Variants in ITPR2 observed in about 807,000 individuals in gnomAD.
ITPR2 encodes inositol 1,4,5-trisphosphate receptor type 2.
A neutral mutation model predicts 317.1 loss-of-function variants in ITPR2; 207 were observed. The ratio of observed to expected loss-of-function variants is 0.65; its 90% CI spans 0.58 to 0.73. The LOEUF is 0.73. Among genes scored for constraint, ITPR2 ranks in the 30% least tolerant of loss-of-function variants. ITPR2 has a pLI of 0.00. For synonymous variants in ITPR2, 1,156 were observed against 1,149.1 expected, an observed-to-expected ratio of 1.01 and a Z score of -0.12; for missense variants, 2,613 against 3,284.0, an observed-to-expected ratio of 0.80 and a Z score of 4.99.
chr12:26,482,743 T>G (rs1942572886), intron 42 of ITPR2, among the ~76,000 whole-genome samples: 1 of 152,218 alleles, frequency 6.6e-6, no homozygotes, highest in African/African-American at 2.4e-5. Flanking sequence ...CACCTATGCA[T>G]GTACACATGT....
At position 26,716,216 on chromosome 12, in the gene ITPR2, CA is replaced by C; in HGVS notation, c.551del (p.Leu184Ter). On this transcript the variant is annotated frameshift_variant, in exon 6 of 57. Coordinates refer to ENST00000381340, the MANE Select transcript of ITPR2 (RefSeq NM_002223.4). LOFTEE classifies it high-confidence loss of function. ...DNIVVGDKVV[L>X]MPVNAGQPLH... Reference sequence around the variant, plus strand: ...GTGGCTGCCCTGCATTCACAGGCATCAAAACAACTTTATCTCCTACAACAAT... The same window carrying C: ...GTGGCTGCCCTGCATTCACAGGCATCAAACAACTTTATCTCCTACAACAAT... 6.2e-7 allele frequency: 1 copy of C among 1,612,752 alleles called. No individual in the cohort carries two copies. Among genetic ancestry groups the C allele is most frequent in the Non-Finnish European group, 8.5e-7 (1 of 1,179,082 alleles).
chr12:26,358,537 C>A (rs1938713753), intron 55 of ITPR2, among the ~76,000 whole-genome samples: 1 of 152,072 alleles, frequency 6.6e-6, no homozygotes, highest in East Asian at 1.9e-4. Flanking sequence ...GAAGAGCTGG[C>A]AACAATTTGA....
intron 55 of ITPR2, among the ~76,000 whole-genome samples, chr12:26,341,982 G>A (rs979644841): frequency 1.3e-5 from 2 of 152,228 alleles, no homozygotes; most frequent in Non-Finnish European, 2.9e-5. Flanking sequence ...TGGGTAGGGA[G>A]ACAGAGCAAA....
chr12:26,515,640 A>C (rs1427558847), intron 37 of ITPR2, among the ~76,000 whole-genome samples: 1 of 152,144 alleles, frequency 6.6e-6, no homozygotes, highest in Admixed American at 6.5e-5. Context: ...GGCAGAAGCC[A>C]AGCAGGAGAA....
chr12:26,684,535 A>C (rs1948091884), intron 11 of ITPR2, among the ~76,000 whole-genome samples: 2 of 152,216 alleles, frequency 1.3e-5, no homozygotes, highest in Non-Finnish European at 2.9e-5. Flanking sequence ...AATACATAAA[A>C]AGTGCTTCAA....
chr12:26,721,083 A>G (rs1341813052), intron 5 of ITPR2, among the ~76,000 whole-genome samples: 8 of 152,212 alleles, frequency 5.3e-5, no homozygotes, highest in Non-Finnish European at 1.2e-4. Context: ...CAGGTTGTTC[A>G]TAAACTACAT....
chr12:26,794,182 G>A (rs1186338849), intron 1 of ITPR2, among the ~76,000 whole-genome samples: 2 of 152,070 alleles, frequency 1.3e-5, no homozygotes, highest in Admixed American at 1.3e-4. Flanking sequence ...TAGCTACTTT[G>A]ATTTTATACA....
At chr12:26,784,578 G>A (rs1186419855) in intron 2 of ITPR2, among the ~76,000 whole-genome samples, 10 of 151,740 alleles carry the variant, frequency 6.6e-5, no homozygotes, top group South Asian at 6.2e-4. Flanking sequence ...TCCTAACCGC[G>A]AGTGATCCGC....
intron 48 of ITPR2, among the ~76,000 whole-genome samples, chr12:26,435,073 C>A (rs768992446): frequency 2.6e-5 from 4 of 152,146 alleles, no homozygotes; most frequent in Non-Finnish European, 5.9e-5. Flanking sequence ...TACGGGTATG[C>A]CTTCCAAAAA....
chr12:26,354,044 C>T (rs1241738461), intron 55 of ITPR2, among the ~76,000 whole-genome samples: 1 of 152,120 alleles, frequency 6.6e-6, no homozygotes, highest in Admixed American at 6.5e-5. Flanking sequence ...GAGGCCGAGG[C>T]AGGTGGATCA....
At chr12:26,669,957 G>A (rs949930132) in intron 13 of ITPR2, among the ~76,000 whole-genome samples, 2 of 152,256 alleles carry the variant, frequency 1.3e-5, no homozygotes, top group Non-Finnish European at 2.9e-5. Flanking sequence ...TAACGCAGCA[G>A]TCTGAGATCA....
chr12:26,746,515 G>A (rs941670612), intron 2 of ITPR2, among the ~76,000 whole-genome samples: 2 of 152,124 alleles, frequency 1.3e-5, no homozygotes, highest in African/African-American at 2.4e-5. Context: ...GCCTCTTAGC[G>A]ATCTGATCTC....
intron 26 of ITPR2, among the ~76,000 whole-genome samples, chr12:26,606,630 G>T (rs968708030): frequency 1.3e-5 from 2 of 151,696 alleles, no homozygotes; most frequent in Non-Finnish European, 2.9e-5. Context: ...GAACTATAGG[G>T]TAAACTAAAT....
intron 37 of ITPR2, among the ~76,000 whole-genome samples, chr12:26,496,709 C>T (rs529279564): frequency 5.9e-4 from 90 of 151,798 alleles, no homozygotes; most frequent in African/African-American, 2.0e-3. Flanking sequence ...TTTGGGAGGC[C>T]GAGGCGGGCA....
rs1474855324 is a variant in ITPR2, at chr12:26,387,437, A to G, written c.7854T>C (p.Ile2618=). ...TTAAAACCTTCTGGTCACTCACCAC[A>G]ATCATTTGAGCCACATAACTTTCAG... The part of the protein sequence containing the change: ...TGPESYVAQM[I]VEKNLDWFPR... Residue 2618 remains isoleucine (I), a synonymous_variant, in exon 55 of 57, where the codon ATT becomes ATC. Transcript: ENST00000381340. The G allele has an allele frequency of 6.2e-7, 1 of 1,613,368 alleles. No homozygotes were observed. The highest frequency in any genetic ancestry group is 1.1e-5 in the South Asian group (1 of 91,016).
chr12:26,495,230 G>A lies in ITPR2; in HGVS notation c.5104C>T (p.Arg1702Ter), dbSNP rs764915097. 6 of 1,601,582 alleles carry A rather than the reference G, an allele frequency of 3.7e-6. No homozygotes were observed. The highest frequency in any genetic ancestry group is 2.2e-5 in the East Asian group (1 of 44,778). ...ATACTATAATCACCTTTAAAGTATC[G>A]ATTCAGAAGTATCTTTCTTAATGTG... Reference protein sequence around the residue: ...GNTLRKILLNRYFKGDYSIGV... With the variant: ...GNTLRKILLN Residue 1702 changes from arginine (R) to a stop codon, truncating the protein, a stop_gained, in exon 38 of 57, where the codon CGA (arginine) becomes TGA (stop). Transcript: ENST00000381340. LOFTEE classifies it high-confidence loss of function.
At chr12:26,605,115 T>TA (rs773381558) in intron 26 of ITPR2, among the ~76,000 whole-genome samples, 5 of 87,040 alleles carry the variant, frequency 5.7e-5, no homozygotes, top group African/African-American at 2.0e-4. Flanking sequence ...AAATAAAAAA[T>TA]AAAAAATAAA....
At chr12:26,673,030 G>A (rs1169346523) in intron 13 of ITPR2, among the ~76,000 whole-genome samples, 1 of 152,134 alleles carries the variant, frequency 6.6e-6, no homozygotes, top group Admixed American at 6.5e-5. Context: ...AATAACAGGA[G>A]CTGAAATTGT....
intron 1 of ITPR2, among the ~76,000 whole-genome samples, chr12:26,828,079 A>G (rs35566227): frequency 0.19 from 28,916 of 152,178 alleles, 2,801 homozygotes; most frequent in East Asian, 0.21. Context: ...TCTCCTTCTT[A>G]GTTTTCAGGA....
Sources: allele counts gnomAD v4.1 joint callset (sites outside exome capture counted in the v4.1 genomes callset), GRCh38; gene constraint gnomAD v4.1.1; transcripts MANE v1.5; gene names NCBI Gene and HGNC (gene_info 2026-07-23, HGNC 2026-07-21).